Variants in RBPJ observed in about 807,000 individuals in gnomAD.
The protein encoded by RBPJ is recombination signal binding protein for immunoglobulin kappa J region.
In RBPJ, 9 loss-of-function variants were observed where a neutral mutation model predicts 67.8. The observed-to-expected ratio is 0.13, with a 90% CI of 0.08 to 0.23. The LOEUF is 0.23. Ranked by LOEUF, RBPJ falls within the 10% of genes least tolerant of loss-of-function variation. The pLI, the probability that RBPJ is intolerant of heterozygous loss-of-function variation, is 1.00. For synonymous variants in RBPJ, 198 were observed against 203.3 expected (o/e 0.97, Z 0.22); for missense variants, 305 against 595.6 (o/e 0.51, Z 5.08).
At chr4:26,348,114 A>T (rs1419722978) in intron 1 of RBPJ, among the ~76,000 whole-genome samples, 1 of 151,932 alleles carries the variant, frequency 6.6e-6, no homozygotes, top group Non-Finnish European at 1.5e-5. Flanking sequence ...GGCACACGCT[A>T]CCACGCCTGG....
the RBPJ span, among the ~76,000 whole-genome samples, chr4:26,116,903 C>T: frequency 1.5e-4 from 23 of 152,184 alleles, no homozygotes; most frequent in African/African-American, 5.3e-4. Flanking sequence ...CTATAGATTC[C>T]AGAGAACCTG....
intron 7 of RBPJ, 58 bp from the exon 8 acceptor site, chr4:26,428,662 A>G: frequency 7.2e-7 from 1 of 1,384,742 alleles, no homozygotes; most frequent in Non-Finnish European, 1.0e-6. Flanking sequence ...GATGTTTTAC[A>G]CAAGGAAAAT....
the RBPJ span, among the ~76,000 whole-genome samples, chr4:26,140,527 G>T: frequency 6.6e-6 from 1 of 152,020 alleles, no homozygotes; most frequent in Non-Finnish European, 1.5e-5. Context: ...TGACAAAATG[G>T]CTCCCGATGG....
chr4:26,277,194 C>T (rs1721112907), intron 1 of RBPJ, among the ~76,000 whole-genome samples: 1 of 150,696 alleles, frequency 6.6e-6, no homozygotes, highest in Admixed American at 6.6e-5. Flanking sequence ...GATGCTTGAG[C>T]CCACGAGTTC....
intron 1 of RBPJ, among the ~76,000 whole-genome samples, chr4:26,384,988 T>TCTCTC (rs1730744851): frequency 1.5e-5 from 1 of 67,684 alleles, no homozygotes; most frequent in Non-Finnish European, 2.8e-5. Flanking sequence ...TCTCCTCCCC[T>TCTCTC]CTCCCCTCTC....
intron 1 of RBPJ, among the ~76,000 whole-genome samples, chr4:26,358,757 T>G (rs1325995768): frequency 6.6e-6 from 1 of 151,820 alleles, no homozygotes; most frequent in Non-Finnish European, 1.5e-5. Flanking sequence ...CACTACAGCC[T>G]GGGTAACAAA....
intron 1 of RBPJ, among the ~76,000 whole-genome samples, chr4:26,287,067 G>T (rs1203140664): frequency 3.9e-5 from 6 of 152,142 alleles, no homozygotes; most frequent in Non-Finnish European, 7.4e-5. Flanking sequence ...GATTACAGGC[G>T]TGAGCCGCCG....
intron 1 of RBPJ, among the ~76,000 whole-genome samples, chr4:26,296,256 G>A (rs1238705883): frequency 6.6e-6 from 1 of 152,174 alleles, no homozygotes; most frequent in Non-Finnish European, 1.5e-5. Flanking sequence ...ACACAAGGCT[G>A]TTAGTCACAT....
At chr4:26,210,728 C>CTTCTTTTT (rs1250260722) in intron 1 of RBPJ, among the ~76,000 whole-genome samples, 1 of 41,818 alleles carries the variant, frequency 2.4e-5, no homozygotes. Context: ...TCTTTCTTTC[C>CTTCTTTTT]TTCTTTACTT....
At chr4:26,161,903 A>G (rs1319397956), upstream of RBPJ, among the ~76,000 whole-genome samples, 5 of 152,226 alleles carry the variant, frequency 3.3e-5, no homozygotes, top group Non-Finnish European at 2.9e-5. Context: ...ATCCCAGTGC[A>G]TAGCACTTCC....
intron 1 of RBPJ, among the ~76,000 whole-genome samples, chr4:26,237,619 GA>G (rs1719495190): frequency 6.6e-6 from 1 of 152,174 alleles, no homozygotes; most frequent in South Asian, 2.1e-4. Context: ...GATAAGTGAA[GA>G]AACAGGGTTT....
At chr4:26,337,711 G>C (rs1725014683) in intron 1 of RBPJ, among the ~76,000 whole-genome samples, 1 of 137,754 alleles carries the variant, frequency 7.3e-6, no homozygotes, top group South Asian at 2.3e-4. Context: ...TTGAAGGACA[G>C]GGTCTCACTC....
intron 1 of RBPJ, among the ~76,000 whole-genome samples, chr4:26,281,517 C>T (rs188533476): frequency 2.0e-5 from 3 of 152,204 alleles, no homozygotes; most frequent in East Asian, 1.9e-4. Context: ...TGACCTCAGG[C>T]GATCCACTCG....
the RBPJ span, chr4:26,112,485 A>T: frequency 6.8e-6 from 1 of 147,478 alleles, no homozygotes; most frequent in Non-Finnish European, 1.5e-5. Context: ...CACTCAGATA[A>T]TTTTTGACCA....
chr4:26,215,101 GAAA>G (rs1242961488), intron 1 of RBPJ, among the ~76,000 whole-genome samples: 31 of 10,870 alleles, frequency 2.9e-3, no homozygotes, highest in East Asian at 0.028. Flanking sequence ...GAAAGAGAAA[GAAA>G]GAAAAAGAAA....
intron 3 of RBPJ, among the ~76,000 whole-genome samples, chr4:26,414,819 T>C (rs753706104): frequency 6.6e-5 from 10 of 152,162 alleles, no homozygotes; most frequent in Admixed American, 1.3e-4. Flanking sequence ...AAGAATACAG[T>C]GTATTGTTCT....
intron 1 of RBPJ, among the ~76,000 whole-genome samples, chr4:26,355,813 T>A (rs1183241056): frequency 6.6e-6 from 1 of 152,174 alleles, no homozygotes; most frequent in Non-Finnish European, 1.5e-5. Flanking sequence ...AAGAACACCA[T>A]AGCTCATGTA....
intron 1 of RBPJ, among the ~76,000 whole-genome samples, chr4:26,339,182 A>T (rs915900547): frequency 2.0e-5 from 3 of 152,098 alleles, no homozygotes; most frequent in Non-Finnish European, 4.4e-5. Context: ...ATAATCTGTT[A>T]CTTGAACGTG....
intron 1 of RBPJ, among the ~76,000 whole-genome samples, chr4:26,357,886 C>G (rs1168603838): frequency 6.6e-6 from 1 of 152,054 alleles, no homozygotes; most frequent in East Asian, 1.9e-4. Context: ...ATCCATGTAG[C>G]GTTGTCAGAA....
Sources: allele counts gnomAD v4.1 joint callset (sites outside exome capture counted in the v4.1 genomes callset), GRCh38; gene constraint gnomAD v4.1.1; transcripts MANE v1.5; gene names NCBI Gene and HGNC (gene_info 2026-07-23, HGNC 2026-07-21).